Variants in NEURL1B observed in about 807,000 individuals in gnomAD.
The protein encoded by NEURL1B is E3 ubiquitin-protein ligase NEURL1B.
A neutral mutation model predicts 37.4 loss-of-function variants in NEURL1B; 13 were observed. That is an observed-to-expected ratio of 0.35 (90% CI 0.23 to 0.55). The LOEUF (loss-of-function observed/expected upper bound fraction) is 0.55. Among genes scored for constraint, NEURL1B ranks in the 20% least tolerant of loss-of-function variants. NEURL1B has a pLI of 0.89. For missense variants in NEURL1B, 790 were observed against 879.2 expected (o/e 0.90, Z 1.28); for synonymous variants, 432 against 426.6 (o/e 1.01, Z -0.16).
intron 1 of NEURL1B, among the ~76,000 whole-genome samples, chr5:172,652,246 A>C (rs1016579596): frequency 2.0e-5 from 3 of 152,188 alleles, no homozygotes; most frequent in African/African-American, 7.2e-5. Context: ...ACCACTTATT[A>C]CTTCAGGCTG....
intron 1 of NEURL1B, among the ~76,000 whole-genome samples, chr5:172,645,266 C>G (rs988130130): frequency 3.9e-5 from 6 of 152,154 alleles, no homozygotes; most frequent in Admixed American, 6.5e-5. Flanking sequence ...GAGAAGCAGC[C>G]TCCCCTAACC....
At chr5:172,664,376 C>T (rs545093171) in intron 1 of NEURL1B, among the ~76,000 whole-genome samples, 1 of 152,054 alleles carries the variant, frequency 6.6e-6, no homozygotes, top group Admixed American at 6.6e-5. Context: ...AAAAAAAATC[C>T]AGCACAGCCA....
chr5:172,658,724 C>T (rs1040552398), intron 1 of NEURL1B, among the ~76,000 whole-genome samples: 16 of 152,104 alleles, frequency 1.1e-4, no homozygotes, highest in Admixed American at 5.9e-4. Context: ...CTCTCAGAGC[C>T]GCCCTCCTCC....
intron 1 of NEURL1B, among the ~76,000 whole-genome samples, chr5:172,649,763 C>T (rs533968083): frequency 1.3e-5 from 2 of 152,286 alleles, no homozygotes; most frequent in Admixed American, 6.5e-5. Flanking sequence ...AGGACGGTGA[C>T]GTCACCTGCC....
intron 3 of NEURL1B, among the ~76,000 whole-genome samples, chr5:172,685,014 T>C (rs968248674): frequency 6.6e-6 from 1 of 152,226 alleles, no homozygotes; most frequent in Non-Finnish European, 1.5e-5. Flanking sequence ...TCAGTATCAT[T>C]ATCCCCACCT....
At chr5:172,648,759 CTT>C (rs1324119911) in intron 1 of NEURL1B, among the ~76,000 whole-genome samples, 2 of 152,250 alleles carry the variant, frequency 1.3e-5, no homozygotes, top group Admixed American at 1.3e-4. Flanking sequence ...AGTTCTTTTA[CTT>C]TTCTTTGTCT....
intron 1 of NEURL1B, among the ~76,000 whole-genome samples, chr5:172,654,261 G>T (rs1757721724): frequency 6.6e-6 from 1 of 152,188 alleles, no homozygotes; most frequent in Non-Finnish European, 1.5e-5. Flanking sequence ...TTAAGGCTTG[G>T]CTGAGTGGAA....
chr5:172,655,647 G>A (rs1056414095), intron 1 of NEURL1B, among the ~76,000 whole-genome samples: 1 of 152,050 alleles, frequency 6.6e-6, no homozygotes, highest in Non-Finnish European at 1.5e-5. Context: ...CGGCTTCCAC[G>A]GCTGCTGCTT....
intron 1 of NEURL1B, among the ~76,000 whole-genome samples, chr5:172,655,727 G>T (rs185897166): frequency 4.7e-4 from 64 of 137,516 alleles, no homozygotes; most frequent in African/African-American, 8.8e-4. Flanking sequence ...GCCAGTGTTT[G>T]TTTTTTTTTT....
chr5:172,676,844 G>T lies in NEURL1B; in HGVS notation c.577+6514G>T, dbSNP rs139270136. Among the ~76,000 whole-genome samples, 8 of 152,348 alleles carry T rather than the reference G, an allele frequency of 5.3e-5. No individual in the cohort carries two copies. The highest frequency in any genetic ancestry group is 1.7e-4 in the African/African-American group (7 of 41,580). ...CAAACTCCACGTGGATAGAGAACTT[G>T]GCCAAGGTTGCATAACTGTTGGTGG... On this transcript the variant is annotated intron_variant, in intron 2 of 4. Transcript: ENST00000369800. The surrounding 1 kb of genome is among the most constrained non-coding windows in gnomAD (Gnocchi z 4.5).
intron 3 of NEURL1B, among the ~76,000 whole-genome samples, chr5:172,684,469 G>A (rs755411939): frequency 2.3e-4 from 35 of 152,264 alleles, no homozygotes; most frequent in Non-Finnish European, 4.4e-4. Context: ...CTCCGAGCTT[G>A]GCAGGCTATA....
chr5:172,655,020 C>G (rs1469244281), intron 1 of NEURL1B, among the ~76,000 whole-genome samples: 1 of 151,848 alleles, frequency 6.6e-6, no homozygotes, highest in African/African-American at 2.4e-5. Flanking sequence ...CTTTTTCTCT[C>G]CTCTCTCTCT....
rs766567999 is a variant in NEURL1B at position 172,683,494 on chromosome 5, G to C, written c.653G>C (p.Ser218Thr). 1.2e-4 allele frequency: 181 copies of C among 1,501,654 alleles called. No homozygotes were observed. The highest frequency in any genetic ancestry group is 1.6e-4 in the Non-Finnish European group (176 of 1,130,662). The allele number at this position is 1,501,654 out of a possible 1,614,324, so 93.0% of individuals were successfully genotyped here. A position where few individuals can be genotyped will look rare whatever the true frequency, so the allele number is the denominator to read the frequency against. Residue 218 changes from serine to threonine, a missense_variant, in exon 3 of 5, where the codon AGC becomes ACC. Physicochemically the swap from Ser to Thr is moderately conservative, Grantham distance 58. Around this residue, in one of 3 missense-constraint regions of NEURL1B, gnomAD observed 460 missense variants for 407.4 expected, o/e 1.13. Coordinates refer to ENST00000369800, the MANE Select transcript of NEURL1B (RefSeq NM_001142651.3). The surrounding 1 kb of genome is among the most constrained non-coding windows in gnomAD (Gnocchi z 5.6). ...TTCAGCGCCTGCCTGCCGCCCAGCAGCCACGACGCGGCCAACTTCGACAAC... is the reference window on the plus strand; with the variant it reads ...TTCAGCGCCTGCCTGCCGCCCAGCACCCACGACGCGGCCAACTTCGACAAC... ...ARFSACLPPSSHDAANFDNNE... is the reference protein window; with the variant it reads ...ARFSACLPPSTHDAANFDNNE...
chr5:172,684,200 C>T (rs1287476930), intron 3 of NEURL1B, 62 bp downstream of exon 3: 1 of 1,157,352 alleles, frequency 8.6e-7, no homozygotes, highest in Admixed American at 4.5e-5. Context: ...CCGTCTCACC[C>T]CGCTGCGCTC....
At chr5:172,652,243 A>C (rs1440370569) in intron 1 of NEURL1B, among the ~76,000 whole-genome samples, 1 of 152,202 alleles carries the variant, frequency 6.6e-6, no homozygotes, top group Non-Finnish European at 1.5e-5. Flanking sequence ...GGCACCACTT[A>C]TTACTTCAGG....
chr5:172,656,244 G>A (rs1325072137), intron 1 of NEURL1B, among the ~76,000 whole-genome samples: 1 of 152,168 alleles, frequency 6.6e-6, no homozygotes, highest in Admixed American at 6.5e-5. Context: ...AATGAGTTAG[G>A]GTGAAGCAGG....
In NEURL1B at chr5:172,687,562, G is replaced by T. The variant is rs1206667157; in HGVS notation, c.*637G>T. Reference sequence around the variant, plus strand: ...CTCCAAAGCATGAACTCCTTGAGGGGAAGGTGGGTGAAGAACAATTCACTT... The same window carrying T: ...CTCCAAAGCATGAACTCCTTGAGGGTAAGGTGGGTGAAGAACAATTCACTT... On this transcript the variant is annotated 3_prime_UTR_variant, in exon 5 of 5. Coordinates refer to ENST00000369800, the MANE Select transcript of NEURL1B (RefSeq NM_001142651.3). 2.0e-5 allele frequency: 3 copies of T among 152,724 alleles called. No individual in the cohort carries two copies. Among genetic ancestry groups the T allele is most frequent in the South Asian group, 2.1e-4 (1 of 4,828 alleles). 9.5% of individuals were successfully genotyped at this position (152,724 alleles called of 1,614,324 possible).
rs1757901851 is a variant in NEURL1B, at chr5:172,661,470, G to A, written c.32-8315G>A. ...GGGTGGGGTGGAAGAAAGGGCATGA[G>A]CCTGGTCCTCTCAGACCCTCAGTTT... On this transcript the variant is annotated intron_variant, in intron 1 of 4. Coordinates refer to ENST00000369800, the MANE Select transcript of NEURL1B (RefSeq NM_001142651.3). The surrounding 1 kb of genome is among the most constrained non-coding windows in gnomAD (Gnocchi z 4.0). Among the ~76,000 whole-genome samples the A allele has an allele frequency of 6.6e-6, 1 of 152,224 alleles. No individual in the cohort carries two copies. Among genetic ancestry groups the A allele is most frequent in the Non-Finnish European group, 1.5e-5 (1 of 68,048 alleles).
Position 172,657,109 on chromosome 5 carries a change from C to T in NEURL1B, c.32-12676C>T, listed in dbSNP as rs1757811507. On this transcript the variant is annotated intron_variant, in intron 1 of 4. Coordinates refer to ENST00000369800, the MANE Select transcript of NEURL1B (RefSeq NM_001142651.3). The surrounding 1 kb of genome is among the most constrained non-coding windows in gnomAD (Gnocchi z 4.0). ...GGAAGCAATTCTGCATGATAACCAA[C>T]AGCATGCATGGGCTTTGGATTCAGA... 1.3e-5 allele frequency among the ~76,000 whole-genome samples: 2 copies of T among 152,222 alleles called. No individual in the cohort carries two copies. Among genetic ancestry groups the T allele is most frequent in the South Asian group, 2.1e-4 (1 of 4,834 alleles).
Sources: allele counts gnomAD v4.1 joint callset (sites outside exome capture counted in the v4.1 genomes callset), GRCh38; gene constraint gnomAD v4.1.1; regional missense constraint gnomAD v4.1.1; non-coding constraint Gnocchi (gnomAD v3.1); transcripts MANE v1.5; gene names NCBI Gene and HGNC (gene_info 2026-07-23, HGNC 2026-07-21).